Variants in SMG1 observed in about 807,000 individuals in gnomAD.
The protein encoded by SMG1 is serine/threonine-protein kinase SMG1.
In SMG1, 22 loss-of-function variants were observed where a neutral mutation model predicts 419.9. The ratio of observed to expected loss-of-function variants is 0.05; its 90% confidence interval spans 0.04 to 0.07. The LOEUF is 0.07. Among genes scored for constraint, SMG1 ranks in the 10% least tolerant of loss-of-function variants. The probability of loss-of-function intolerance (pLI) is 1.00; values close to 1 mark genes in which losing one functional copy is unlikely to be tolerated. For synonymous variants in SMG1, 1,538 were observed against 1,553.5 expected (o/e 0.99, Z 0.23); for missense variants, 3,185 against 4,342.0 (o/e 0.73, Z 7.49).
chr16:18,834,497 T>C, intron 49 of SMG1, 59 bp from the exon 50 acceptor site: 1 of 1,503,264 alleles, frequency 6.7e-7, no homozygotes, highest in Non-Finnish European at 9.0e-7. Context: ...ACAAGGTAAC[T>C]GGCCGGGTCA....
At chr16:18,848,381 A>G (rs2034390243) in intron 36 of SMG1, among the ~76,000 whole-genome samples, 2 of 150,798 alleles carry the variant, frequency 1.3e-5, no homozygotes, top group Admixed American at 1.3e-4. Flanking sequence ...ACAGTGGCAC[A>G]ATCTCGGCTC....
chr16:18,841,505 C>T (rs963229035), intron 41 of SMG1, 60 bp downstream of exon 41: 13 of 1,506,406 alleles, frequency 8.6e-6, no homozygotes, highest in Non-Finnish European at 1.2e-5. Flanking sequence ...AGTAAGTCTA[C>T]AAGTATTTCA....
intron 41 of SMG1, among the ~76,000 whole-genome samples, chr16:18,840,286 A>C (rs1341085217): frequency 6.6e-6 from 1 of 152,250 alleles, no homozygotes; most frequent in Non-Finnish European, 1.5e-5. Context: ...TTATGCACAT[A>C]CTTCATTCTT....
intron 5 of SMG1, among the ~76,000 whole-genome samples, chr16:18,890,437 A>G (rs1313519213): frequency 6.6e-6 from 1 of 152,190 alleles, no homozygotes; most frequent in Non-Finnish European, 1.5e-5. Context: ...CAGGAGTTTG[A>G]GACCAGCCTG....
chr16:18,819,762 C>G (rs2032348263), intron 55 of SMG1, 108 bp from the exon 56 acceptor site: 2 of 1,137,914 alleles, frequency 1.8e-6, no homozygotes, highest in African/African-American at 3.2e-5. Flanking sequence ...AGGGTGGACA[C>G]ATGTAATTTA....
In SMG1 at chr16:18,815,196, A is replaced by T; in HGVS notation, c.10600T>A (p.Tyr3534Asn). The T allele has an allele frequency of 1.3e-6, 2 of 1,593,082 alleles. No homozygotes were observed. Among genetic ancestry groups the T allele is most frequent in the Non-Finnish European group, 1.7e-6 (2 of 1,169,012 alleles). ...ECSSPTSSAT[Y>N]QPSFAAAVRS... Reference sequence around the variant, plus strand: ...CTACCTGCAGCGAAGGATGGCTGATAAGTAGCAGATGACGTTGGACTCGAA... The same window carrying T: ...CTACCTGCAGCGAAGGATGGCTGATTAGTAGCAGATGACGTTGGACTCGAA... The change falls in exon 60 of 63, where the codon TAT becomes AAT. Residue 3534 changes from tyrosine (Y) to asparagine (N), a missense_variant. Tyr to Asn is a moderately radical substitution (Grantham distance 143, BLOSUM62 -2). Coordinates refer to ENST00000446231, the MANE Select transcript of SMG1 (RefSeq NM_015092.5).
In SMG1 at chr16:18,863,951, C is replaced by A; in HGVS notation, c.3493+51G>T. On this transcript the variant is annotated intron_variant, in intron 24 of 62. Coordinates refer to ENST00000446231, the MANE Select transcript of SMG1 (RefSeq NM_015092.5). ...AAAACATAAAATAAGATCATCAGTA[C>A]GAAATATATTACTATAACTTTTGCT... 5.2e-6 allele frequency: 8 copies of A among 1,552,834 alleles called. No individual in the cohort carries two copies. The South Asian group carries it at 8.2e-5, about 16-fold the overall frequency.
chr16:18,877,245 A>C lies in SMG1; in HGVS notation c.1519-13T>G, dbSNP rs780854958. On this transcript the variant is annotated splice_polypyrimidine_tract_variant and intron_variant, in intron 11 of 62. Coordinates refer to ENST00000446231, the MANE Select transcript of SMG1 (RefSeq NM_015092.5). The stretch of plus-strand genomic sequence containing the variant: ...TCTGTTCAACAATCTAAAAGAATAA[A>C]ATTTTTAAAAAATGAGCTTCTCCAA... 2.0e-6 allele frequency: 3 copies of C among 1,498,384 alleles called. No homozygotes were observed. The South Asian group carries it at 3.7e-5, about 18-fold the overall frequency. 92.8% of individuals were successfully genotyped at this position (1,498,384 alleles called of 1,614,324 possible).
intron 29 of SMG1, 110 bp from the exon 30 acceptor site, chr16:18,855,014 A>T (rs2034819694): frequency 1.0e-6 from 1 of 954,792 alleles, no homozygotes; most frequent in East Asian, 2.5e-5. Context: ...CCACCTCCTG[A>T]AACAAAGATA....
chr16:18,919,434 C>A (rs1051855150), intron 1 of SMG1, among the ~76,000 whole-genome samples: 23 of 150,958 alleles, frequency 1.5e-4, no homozygotes, highest in African/African-American at 5.4e-4. Context: ...ACCATCCTGG[C>A]TAACACGGTG....
At chr16:18,832,858 C>T in intron 51 of SMG1, 82 bp downstream of exon 51, 1 of 1,233,900 alleles carries the variant, frequency 8.1e-7, no homozygotes, top group Non-Finnish European at 1.2e-6. Context: ...TAAAAGTAAA[C>T]TTACGTTAAA....
chr16:18,859,614 A>T lies in SMG1; in HGVS notation c.3895T>A (p.Cys1299Ser). ...IEVQLLRSSV[C>S]LATALNPIEQ... ...ATCGGGTTTAAAGCAGTTGCCAAAC[A>T]AACAGAACTTCTTAACAATTGAACT... is the stretch of plus-strand genomic sequence containing the variant. Residue 1299 changes from cysteine (C) to serine (S), a missense_variant, in exon 27 of 63, where the codon TGT (cysteine) becomes AGT (serine). Coordinates refer to ENST00000446231, the MANE Select transcript of SMG1 (RefSeq NM_015092.5). 6.2e-7 allele frequency: 1 copy of T among 1,610,804 alleles called. No individual in the cohort carries two copies. The highest frequency in any genetic ancestry group is 8.5e-7 in the Non-Finnish European group (1 of 1,177,184).
rs2030772455 is a variant in SMG1 at position 18,805,801 on chromosome 16, T to TA, written c.*3767dup. 6.6e-6 allele frequency: 1 copy of TA among 152,168 alleles called. No homozygotes were observed. The highest frequency in any genetic ancestry group is 2.4e-5 in the African/African-American group (1 of 41,426). 9.4% of individuals were successfully genotyped at this position (152,168 alleles called of 1,614,324 possible). On this transcript the variant is annotated 3_prime_UTR_variant, in exon 63 of 63. Coordinates refer to ENST00000446231, the MANE Select transcript of SMG1 (RefSeq NM_015092.5). ...CTGGCATTTTACAAGCTCAACAAGA[T>TA]AAAAAATTGAACACTGGTTTTCATA...
At chr16:18,842,937 T>TG (rs1181128985) in intron 39 of SMG1, among the ~76,000 whole-genome samples, 3 of 152,240 alleles carry the variant, frequency 2.0e-5, no homozygotes, top group African/African-American at 7.2e-5. Context: ...GGGTTAACGC[T>TG]GGTGGCCGAT....
At chr16:18,865,873 G>C (rs543781830) in intron 23 of SMG1, among the ~76,000 whole-genome samples, 7 of 151,820 alleles carry the variant, frequency 4.6e-5, no homozygotes, top group Non-Finnish European at 7.4e-5. Flanking sequence ...ACCATGTTAG[G>C]CTAGTCTCAA....
chr16:18,926,203 CG>C lies in SMG1; in HGVS notation c.-163del. The C allele has an allele frequency of 1.6e-6, 1 of 621,858 alleles. No homozygotes were observed. Among genetic ancestry groups the C allele is most frequent in the Non-Finnish European group, 2.7e-6 (1 of 376,730 alleles). The allele number at this position is 621,858 out of a possible 1,614,324, so 38.5% of individuals were successfully genotyped here. A position where few individuals can be genotyped will look rare whatever the true frequency, so the allele number is the denominator to read the frequency against. On this transcript the variant is annotated 5_prime_UTR_variant, in exon 1 of 63. Transcript: ENST00000446231. ...AGGAGAAGGAGGAGGCGGCGGAGGG[CG>C]GGGGAAGAGGACGGCCGTTCCGGGT...
intron 50 of SMG1, among the ~76,000 whole-genome samples, chr16:18,833,515 A>G (rs2033350217): frequency 1.3e-5 from 2 of 152,110 alleles, no homozygotes; most frequent in African/African-American, 4.8e-5. Flanking sequence ...TAGTGATATT[A>G]GCATTGTTAT....
rs991684706 is a variant in SMG1 at position 18,812,034 on chromosome 16, T to C, written c.10715A>G (p.Asp3572Gly). ...LIQKNLATSA[D>G]TPPSTVPGTG... is the part of the protein sequence containing the mutation. ...TCCTGGAACGGTGCTTGGTGGAGTA[T>C]CAGCTGATGTAGCAAGATTTTTTTG... is the stretch of plus-strand genomic sequence containing the variant. The change falls in exon 61 of 63, where the codon GAT becomes GGT. Residue 3572 changes from aspartate (D) to glycine (G), a missense_variant. By Grantham distance (94) the Asp-to-Gly change is moderately conservative. This residue lies in a region of SMG1 where 737 missense variants were observed against 846.6 expected (regional missense o/e 0.87). Transcript: ENST00000446231. 6.2e-7 allele frequency: 1 copy of C among 1,614,022 alleles called. No homozygotes were observed. The highest frequency in any genetic ancestry group is 8.5e-7 in the Non-Finnish European group (1 of 1,179,884).
rs561091258 is a variant in SMG1 at position 18,807,991 on chromosome 16, A to C, written c.*1578T>G. 1 of 152,188 alleles carries C rather than the reference A, an allele frequency of 6.6e-6. No homozygotes were observed. The allele number at this position is 152,188 out of a possible 1,614,324, so 9.4% of individuals were successfully genotyped here. ...TTAGCCAGGATGGTCTCGCTCTCCT[A>C]ACCTCATGATCCGCCCGCCTCGGCC... On this transcript the variant is annotated 3_prime_UTR_variant, in exon 63 of 63. Coordinates refer to ENST00000446231, the MANE Select transcript of SMG1 (RefSeq NM_015092.5).
Sources: gnomAD v4.1 joint callset for allele counts (sites outside exome capture counted in the v4.1 genomes callset) on GRCh38, gnomAD v4.1.1 for gene constraint, gnomAD v4.1.1 regional missense constraint, MANE v1.5 for transcripts, NCBI Gene and HGNC (gene_info 2026-07-23, HGNC 2026-07-21) for gene names.